The following PLCL2 variants were observed in gnomAD, a reference collection of about 807,000 sequenced individuals.
PLCL2 encodes the protein inactive phospholipase C-like protein 2.
In PLCL2, 4 loss-of-function variants were observed where a neutral mutation model predicts 79.6. The observed-to-expected ratio is 0.05, with a 90% confidence interval of 0.02 to 0.11. The LOEUF is 0.11. Ranked by LOEUF, PLCL2 falls within the 10% of genes least tolerant of loss-of-function variation. PLCL2 has a pLI of 1.00. For synonymous variants in PLCL2, 484 were observed against 457.7 expected (o/e 1.06, Z -0.73); for missense variants, 895 against 1,291.0 (o/e 0.69, Z 4.70).
chr3:17,026,764 G>A (rs1164825964), intron 3 of PLCL2, among the ~76,000 whole-genome samples: 1 of 152,088 alleles, frequency 6.6e-6, no homozygotes, highest in Admixed American at 6.6e-5. Context: ...CTGCTCAGGA[G>A]GCTGAGGTGG....
chr3:17,041,975 A>G (rs945662063), intron 3 of PLCL2, among the ~76,000 whole-genome samples: 9 of 152,150 alleles, frequency 5.9e-5, no homozygotes, highest in Non-Finnish European at 1.3e-4. Context: ...AATGAGGCAG[A>G]AATGAAAGGA....
At chr3:16,988,664 C>G (rs1419326694) in intron 1 of PLCL2, among the ~76,000 whole-genome samples, 1 of 151,992 alleles carries the variant, frequency 6.6e-6, no homozygotes, top group Admixed American at 6.6e-5. Context: ...AATGTTGTGG[C>G]CTTCAGGAAC....
intron 1 of PLCL2, among the ~76,000 whole-genome samples, chr3:16,893,996 G>A (rs1041039487): frequency 6.6e-6 from 1 of 152,180 alleles, no homozygotes; most frequent in Non-Finnish European, 1.5e-5. Flanking sequence ...TATGAGCATT[G>A]CTGATGAAGC....
chr3:17,049,829 A>C (rs2064820271), intron 4 of PLCL2, among the ~76,000 whole-genome samples: 2 of 152,208 alleles, frequency 1.3e-5, no homozygotes, highest in African/African-American at 2.4e-5. Flanking sequence ...TTGAAAAAAA[A>C]AATCCTAACA....
chr3:16,971,142 C>T (rs1375270135), intron 1 of PLCL2, among the ~76,000 whole-genome samples: 1 of 151,320 alleles, frequency 6.6e-6, no homozygotes, highest in Non-Finnish European at 1.5e-5. Flanking sequence ...TTGCCCATGC[C>T]TATGTCCTGA....
At chr3:16,956,862 G>C (rs981713049) in intron 1 of PLCL2, among the ~76,000 whole-genome samples, 1 of 152,134 alleles carries the variant, frequency 6.6e-6, no homozygotes, top group Non-Finnish European at 1.5e-5. Context: ...ATTTCTGTGG[G>C]ATCAGTGGTG....
intron 5 of PLCL2, among the ~76,000 whole-genome samples, chr3:17,089,506 T>C (rs765488800): frequency 6.6e-6 from 1 of 152,092 alleles, no homozygotes; most frequent in Non-Finnish European, 1.5e-5. Context: ...GATCTATAAA[T>C]AGAAAGGGCC....
rs775729111 is a variant in PLCL2, at chr3:17,014,778, C to T, written c.2885C>T (p.Ala962Val). ...SVANLMQCML[A>V]VSPRFLGPDN... is the part of the protein sequence containing the mutation. ...GCCAATCTCATGCAGTGCATGTTGGCGGTGTCTCCCCGCTTTCTGGGGCCC... is the reference window on the plus strand; with the variant it reads ...GCCAATCTCATGCAGTGCATGTTGGTGGTGTCTCCCCGCTTTCTGGGGCCC... The change falls in exon 3 of 6, where the codon GCG becomes GTG. Residue 962 changes from alanine (A) to valine (V), a missense_variant. By Grantham distance (64) the Ala-to-Val change is moderately conservative (BLOSUM62 0). Coordinates refer to ENST00000615277, the MANE Select transcript of PLCL2 (RefSeq NM_001144382.2). 3 of 1,614,016 alleles carry T rather than the reference C, an allele frequency of 1.9e-6. No homozygotes were observed. The highest frequency in any genetic ancestry group is 2.5e-6 in the Non-Finnish European group (3 of 1,179,914).
At chr3:16,995,890 A>G (rs967332169) in intron 1 of PLCL2, among the ~76,000 whole-genome samples, 2 of 152,188 alleles carry the variant, frequency 1.3e-5, no homozygotes, top group Admixed American at 1.3e-4. Flanking sequence ...TGTTGTCTCT[A>G]TGGTACTGAC....
rs147836822 is a variant in PLCL2 at position 16,993,284 on chromosome 3, T to C, written c.328-16390T>C. Among the ~76,000 whole-genome samples, 10 of 152,342 alleles carry C rather than the reference T, an allele frequency of 6.6e-5. No homozygotes were observed. In the East Asian group the frequency reaches 1.7e-3, roughly 26 times the overall value. Reference sequence around the variant, plus strand: ...CTCTTTTTAACTGTCCCACTTTAGATGTCATTCTACCTTGGGTAATATAGT... The same window carrying C: ...CTCTTTTTAACTGTCCCACTTTAGACGTCATTCTACCTTGGGTAATATAGT... On this transcript the variant is annotated intron_variant, in intron 1 of 5. Transcript: ENST00000615277.
intron 3 of PLCL2, among the ~76,000 whole-genome samples, chr3:17,042,378 G>A (rs1327145386): frequency 6.6e-6 from 1 of 152,200 alleles, no homozygotes; most frequent in Non-Finnish European, 1.5e-5. Flanking sequence ...TACTATTAGT[G>A]ATGAATGGTA....
intron 1 of PLCL2, among the ~76,000 whole-genome samples, chr3:16,994,727 G>T (rs949626523): frequency 6.6e-6 from 1 of 151,980 alleles, no homozygotes; most frequent in East Asian, 1.9e-4. Context: ...TCATTCATTC[G>T]GGGGCTCAAG....
At chr3:17,066,458 T>C (rs1180853494) in intron 4 of PLCL2, among the ~76,000 whole-genome samples, 1 of 152,252 alleles carries the variant, frequency 6.6e-6, no homozygotes, top group African/African-American at 2.4e-5. Context: ...AAAGTTGTTG[T>C]CAATCACCAT....
intron 5 of PLCL2, among the ~76,000 whole-genome samples, chr3:17,072,120 CCTGA>C (rs527817703): frequency 2.3e-3 from 356 of 152,152 alleles, no homozygotes; most frequent in African/African-American, 8.0e-3. Flanking sequence ...AGCCATCACG[CCTGA>C]CTGATAGAAT....
chr3:16,925,630 A>G (rs1199116826), intron 1 of PLCL2, among the ~76,000 whole-genome samples: 5 of 152,296 alleles, frequency 3.3e-5, no homozygotes, highest in African/African-American at 1.2e-4. Context: ...CATACAATAT[A>G]TGGCCTTTTC....
rs749682737 is a variant in PLCL2, at chr3:17,014,852, A to G, written c.2959A>G (p.Met987Val). The change falls in exon 3 of 6, where the codon ATG (methionine) becomes GTG (valine). Residue 987 changes from methionine (M) to valine (V), a missense_variant. By Grantham distance (21) the Met-to-Val change is conservative (BLOSUM62 1). Transcript: ENST00000615277. Reference protein sequence around the residue: ...VLNLSEQYPTMELQGIVPEVL... With the variant: ...VLNLSEQYPTVELQGIVPEVL... Reference sequence around the variant, plus strand: ...AAATCTCAGCGAGCAGTACCCCACAATGGAGCTGCAGGGAATTGTGCCGGA... The same window carrying G: ...AAATCTCAGCGAGCAGTACCCCACAGTGGAGCTGCAGGGAATTGTGCCGGA... 10 of 1,614,108 alleles carry G rather than the reference A, an allele frequency of 6.2e-6. 1 individual carries two copies. In the South Asian group the frequency reaches 8.8e-5, roughly 14 times the overall value.
intron 3 of PLCL2, among the ~76,000 whole-genome samples, chr3:17,036,454 T>C (rs1205468097): frequency 6.6e-6 from 1 of 152,202 alleles, no homozygotes; most frequent in Non-Finnish European, 1.5e-5. Context: ...AGTTGAGAAG[T>C]CTCAAATCCC....
chr3:16,931,598 A>G (rs1199078489), intron 1 of PLCL2, among the ~76,000 whole-genome samples: 1 of 152,212 alleles, frequency 6.6e-6, no homozygotes, highest in Non-Finnish European at 1.5e-5. Context: ...CCTCACAAAT[A>G]TTATTTATAG....
chr3:16,903,886 G>A (rs1374858635), intron 1 of PLCL2, among the ~76,000 whole-genome samples: 1 of 152,198 alleles, frequency 6.6e-6, no homozygotes, highest in Non-Finnish European at 1.5e-5. Context: ...TTGGCAGACA[G>A]GTCCCTTCAG....
Sources: gnomAD v4.1 joint callset for allele counts (sites outside exome capture counted in the v4.1 genomes callset) on GRCh38, gnomAD v4.1.1 for gene constraint, MANE v1.5 for transcripts, NCBI Gene and HGNC (gene_info 2026-07-23, HGNC 2026-07-21) for gene names.